The following ZDHHC7 variants were observed in gnomAD, a reference collection of about 807,000 sequenced individuals.
ZDHHC7 encodes zDHHC palmitoyltransferase 7, also known as palmitoyltransferase ZDHHC7.
Under a neutral mutation model 34.1 loss-of-function variants are expected in ZDHHC7, and 12 were observed. The observed-to-expected ratio is 0.35, with a 90% CI of 0.23 to 0.57. The LOEUF (loss-of-function observed/expected upper bound fraction) is 0.57, where lower values mean the gene tolerates loss of function less well. ZDHHC7 is among the 20% of genes least tolerant of loss of function. The probability of loss-of-function intolerance (pLI) is 0.84; values close to 1 mark genes in which losing one functional copy is unlikely to be tolerated. For missense variants in ZDHHC7, 388 were observed against 402.7 expected, an observed-to-expected ratio of 0.96 and a Z score of 0.31; for synonymous variants, 185 against 155.4, an observed-to-expected ratio of 1.19 and a Z score of -1.42.
intron 1 of ZDHHC7, among the ~76,000 whole-genome samples, chr16:85,002,507 C>CA (rs1332841146): frequency 1.3e-5 from 2 of 152,130 alleles, no homozygotes; most frequent in African/African-American, 2.4e-5. Context: ...GAGCATCCTA[C>CA]AAAAAAATCC....
chr16:85,002,195 C>T (rs895225431), intron 1 of ZDHHC7, among the ~76,000 whole-genome samples: 1 of 152,172 alleles, frequency 6.6e-6, no homozygotes, highest in African/African-American at 2.4e-5. Flanking sequence ...CCCAGCGCCA[C>T]GAGTCCGAGG....
intron 1 of ZDHHC7, among the ~76,000 whole-genome samples, chr16:84,997,934 G>C (rs1190211094): frequency 2.0e-5 from 3 of 147,084 alleles, no homozygotes; most frequent in African/African-American, 7.5e-5. Flanking sequence ...ATGTCCCAGA[G>C]AGGAGAACTA....
chr16:84,993,408 G>T (rs543865394), intron 2 of ZDHHC7, among the ~76,000 whole-genome samples: 3 of 152,198 alleles, frequency 2.0e-5, no homozygotes, highest in Admixed American at 2.0e-4. Context: ...AAGGTGGGAG[G>T]ATCTCTTGAG....
intron 1 of ZDHHC7, among the ~76,000 whole-genome samples, chr16:85,009,483 G>T (rs1040646504): frequency 4.0e-5 from 6 of 150,940 alleles, no homozygotes; most frequent in Non-Finnish European, 8.8e-5. Context: ...GGCAGGCTCT[G>T]AGCCAATGGT....
chr16:84,996,471 A>G (rs896250771), intron 1 of ZDHHC7, among the ~76,000 whole-genome samples: 2 of 152,034 alleles, frequency 1.3e-5, no homozygotes, highest in African/African-American at 2.4e-5. Flanking sequence ...AGACAGTGGA[A>G]CCCAGTGAGG....
At chr16:85,019,380 C>A in the ZDHHC7 span, among the ~76,000 whole-genome samples, 1 of 152,166 alleles carries the variant, frequency 6.6e-6, no homozygotes, top group African/African-American at 2.4e-5. Context: ...ATAGCCACTG[C>A]ATGCCAGCCT....
chr16:84,990,738 T>A, intron 2 of ZDHHC7, 103 bp from the exon 3 acceptor site: 1 of 879,330 alleles, frequency 1.1e-6, no homozygotes. Context: ...ATGAAGTTAG[T>A]CTAAATACAC....
At chr16:85,018,848 G>C in the ZDHHC7 span, among the ~76,000 whole-genome samples, 1 of 152,114 alleles carries the variant, frequency 6.6e-6, no homozygotes, top group Non-Finnish European at 1.5e-5. Flanking sequence ...ACGGGTGTTT[G>C]GGTTCTTATT....
chr16:84,989,157 T>C (rs914923955), intron 3 of ZDHHC7, among the ~76,000 whole-genome samples: 1 of 152,208 alleles, frequency 6.6e-6, no homozygotes, highest in Admixed American at 6.5e-5. Flanking sequence ...CAGATCAGGC[T>C]ACAAAGCCAC....
At chr16:84,985,174 G>A (rs2072420565) in intron 3 of ZDHHC7, among the ~76,000 whole-genome samples, 1 of 152,216 alleles carries the variant, frequency 6.6e-6, no homozygotes, top group Non-Finnish European at 1.5e-5. Context: ...CCTCCCTTCA[G>A]AGGTGCTCCC....
At chr16:84,990,156 C>T (rs962097353) in intron 3 of ZDHHC7, 148 bp downstream of exon 3, 113 of 928,204 alleles carry the variant, frequency 1.2e-4, no homozygotes, top group Admixed American at 2.2e-4. Flanking sequence ...TAAAGGGAAT[C>T]TGCTCCCAAA....
the ZDHHC7 span, among the ~76,000 whole-genome samples, chr16:85,016,763 TA>T: frequency 6.6e-6 from 1 of 151,990 alleles, no homozygotes; most frequent in Non-Finnish European, 1.5e-5. Flanking sequence ...CCTGTCTCGT[TA>T]AAATACTTAA....
the ZDHHC7 span, among the ~76,000 whole-genome samples, chr16:85,023,701 C>G: frequency 6.6e-6 from 1 of 152,316 alleles, no homozygotes; most frequent in African/African-American, 2.4e-5. Flanking sequence ...TCACTGCAAC[C>G]TTGACCTCCC....
In ZDHHC7 at chr16:84,977,245, G is replaced by C. The variant is rs201518468; in HGVS notation, c.620-20C>G. ...TGCATTCTGCGGACAAGAGGAAGTT[G>C]GTTATAACTGGTCCTGAATACCCCG... On this transcript the variant is annotated intron_variant, in intron 6 of 7. Transcript: ENST00000313732. The C allele has an allele frequency of 1.3e-5, 21 of 1,613,254 alleles. No individual in the cohort carries two copies. Among genetic ancestry groups the C allele is most frequent in the Non-Finnish European group, 1.7e-5 (20 of 1,179,456 alleles).
rs1039481712 is a variant in ZDHHC7, at chr16:84,975,593, C to T, written c.*750G>A. On this transcript the variant is annotated 3_prime_UTR_variant, in exon 8 of 8. Coordinates refer to ENST00000313732, the MANE Select transcript of ZDHHC7 (RefSeq NM_017740.3). ...AACAGCAATACATTCATAGTAACCACGGGCAGGACCCCGCGGCTCTCTCCC... is the reference window on the plus strand; with the variant it reads ...AACAGCAATACATTCATAGTAACCATGGGCAGGACCCCGCGGCTCTCTCCC... 1 of 152,674 alleles carries T rather than the reference C, an allele frequency of 6.5e-6. No homozygotes were observed. The highest frequency in any genetic ancestry group is 1.5e-5 in the Non-Finnish European group (1 of 68,048). The allele number at this position is 152,674 out of a possible 1,614,324, so 9.5% of individuals were successfully genotyped here.
intron 6 of ZDHHC7, 193 bp from the exon 7 acceptor site, chr16:84,977,418 C>CATGA: frequency 1.6e-6 from 1 of 633,244 alleles, no homozygotes; most frequent in South Asian, 2.2e-5. Context: ...AAATTCATAC[C>CATGA]ATGACTTCCT....
chr16:84,983,209 T>C (rs781310065), intron 3 of ZDHHC7, among the ~76,000 whole-genome samples: 4 of 152,168 alleles, frequency 2.6e-5, no homozygotes, highest in Non-Finnish European at 4.4e-5. Context: ...GCTGCAGTGA[T>C]TGTGCAAAGA....
In ZDHHC7 at chr16:84,981,978, C is replaced by T. The variant is rs778672586; in HGVS notation, c.332G>A (p.Gly111Glu). The T allele has an allele frequency of 6.1e-5, 99 of 1,614,022 alleles. No individual in the cohort carries two copies. Among genetic ancestry groups the T allele is most frequent in the Non-Finnish European group, 8.1e-5 (95 of 1,180,024 alleles). Residue 111 changes from glycine to glutamate, a missense_variant, in exon 4 of 8, where the codon GGA becomes GAA. Physicochemically the swap from Gly to Glu is moderately conservative, Grantham distance 98 (BLOSUM62 -2). Coordinates refer to ENST00000313732, the MANE Select transcript of ZDHHC7 (RefSeq NM_017740.3). ...MLTDPGAVPK[G>E]NATKEYMESL... ...CTCCATGTATTCTTTCGTAGCGTTT[C>T]CTTTGGGTACTGCCCCCTACCATAT...
At chr16:85,006,077 G>A (rs541469495) in intron 1 of ZDHHC7, among the ~76,000 whole-genome samples, 2 of 152,266 alleles carry the variant, frequency 1.3e-5, no homozygotes, top group South Asian at 2.1e-4. Flanking sequence ...CAAAATCACA[G>A]CACAGGCCAG....
Sources: gnomAD v4.1 joint callset for allele counts (sites outside exome capture counted in the v4.1 genomes callset) on GRCh38, gnomAD v4.1.1 for gene constraint, MANE v1.5 for transcripts, NCBI Gene and HGNC (gene_info 2026-07-23, HGNC 2026-07-21) for gene names.